MAP3K20: variants seen among roughly 807,000 people sequenced by gnomAD.
The protein encoded by MAP3K20 is mitogen-activated protein kinase kinase kinase 20.
MAP3K20 carries 40 observed loss-of-function variants against 85.7 expected under a neutral mutation model. The observed-to-expected ratio is 0.47, with a 90% confidence interval of 0.36 to 0.61. The LOEUF is 0.61. MAP3K20 is among the 20% of genes least tolerant of loss of function. The pLI is 0.00. For synonymous variants in MAP3K20, 325 were observed against 327.7 expected, an observed-to-expected ratio of 0.99 and a Z score of 0.09; for missense variants, 817 against 961.7, an observed-to-expected ratio of 0.85 and a Z score of 1.99.
At chr2:173,167,535 G>T (rs1689869595) in intron 2 of MAP3K20, among the ~76,000 whole-genome samples, 1 of 151,934 alleles carries the variant, frequency 6.6e-6, no homozygotes, top group Non-Finnish European at 1.5e-5. Flanking sequence ...TATTATATAA[G>T]AACCTAAAAT....
At chr2:173,153,665 A>G (rs553659652) in intron 2 of MAP3K20, among the ~76,000 whole-genome samples, 5 of 152,348 alleles carry the variant, frequency 3.3e-5, no homozygotes, top group African/African-American at 1.2e-4. Context: ...AGTAAACCTA[A>G]GAATTAGTCA....
intron 7 of MAP3K20, among the ~76,000 whole-genome samples, chr2:173,196,304 G>C (rs1473989175): frequency 6.6e-6 from 1 of 152,132 alleles, no homozygotes; most frequent in Non-Finnish European, 1.5e-5. Flanking sequence ...TCCATTTCCT[G>C]CTCAGCCCTC....
chr2:173,219,957 A>G (rs1684189545), intron 11 of MAP3K20, among the ~76,000 whole-genome samples: 1 of 151,506 alleles, frequency 6.6e-6, no homozygotes, highest in South Asian at 2.1e-4. Context: ...AATCCCAGCT[A>G]TTTGGGAGGC....
At chr2:173,235,285 A>T (rs187999145) in intron 14 of MAP3K20, among the ~76,000 whole-genome samples, 81 of 152,258 alleles carry the variant, frequency 5.3e-4, no homozygotes, top group Non-Finnish European at 1.1e-3. Context: ...TGTGCAGACG[A>T]GGTCATGCTT....
At chr2:173,137,952 TAATA>T (rs1244166937) in intron 2 of MAP3K20, among the ~76,000 whole-genome samples, 1 of 152,172 alleles carries the variant, frequency 6.6e-6, no homozygotes, top group Non-Finnish European at 1.5e-5. Context: ...ACACGTAGAT[TAATA>T]AATATTTGTG....
At chr2:173,102,004 A>G (rs1018474068) in intron 2 of MAP3K20, among the ~76,000 whole-genome samples, 2 of 152,182 alleles carry the variant, frequency 1.3e-5, no homozygotes, top group African/African-American at 4.8e-5. Context: ...ACTTCCAGCC[A>G]TTGTTCCTGG....
Position 173,198,177 on chromosome 2 carries a change from C to G in MAP3K20, c.669+65C>G, listed in dbSNP as rs1025215839. 3 of 1,393,380 alleles carry G rather than the reference C, an allele frequency of 2.2e-6. No homozygotes were observed. Among genetic ancestry groups the G allele is most frequent in the Non-Finnish European group, 3.0e-6 (3 of 1,005,272 alleles). 86.3% of individuals were successfully genotyped at this position (1,393,380 alleles called of 1,614,324 possible). A position where few individuals can be genotyped will look rare whatever the true frequency, so the allele number is the denominator to read the frequency against. ...AACAGTATTGGGGTTTTGCAAAAGA[C>G]TTTTTCATCTTCTTCAAATTGAAAG... On this transcript the variant is annotated intron_variant, in intron 8 of 19. Coordinates refer to ENST00000375213, the MANE Select transcript of MAP3K20 (RefSeq NM_016653.3). This position sits in a 1 kb window ranked among gnomAD's most constrained non-coding sequence, Gnocchi z 5.8.
rs1481839790 is a variant in MAP3K20 at position 173,207,928 on chromosome 2, ATAAAAT to A, written c.745-1796_745-1791del. On this transcript the variant is annotated intron_variant, in intron 9 of 19. Coordinates refer to ENST00000375213, the MANE Select transcript of MAP3K20 (RefSeq NM_016653.3). ...CTCTATCCAAGAGTAGGTTCTGACT[ATAAAAT>A]TAAATTTTTTCTAGGGATGCTGGTC... Among the ~76,000 whole-genome samples the A allele has an allele frequency of 3.3e-5, 5 of 152,314 alleles. No homozygotes were observed. In the East Asian group the frequency reaches 9.6e-4, roughly 29 times the overall value.
chr2:173,091,062 A>T lies in MAP3K20; in HGVS notation c.31A>T (p.Ile11Phe). The part of the protein sequence containing the change: MSSLGASFVQ[I>F]KFDDLQFFEN... The stretch of plus-strand genomic sequence containing the variant: ...GTCTCTCGGTGCCTCCTTTGTGCAA[A>T]TTAAATTTGATGACTTGCAGTTTTT... Residue 11 changes from isoleucine to phenylalanine, a missense_variant, in exon 2 of 20, where the codon ATT becomes TTT. Physicochemically the swap from Ile to Phe is conservative, Grantham distance 21. This residue lies in a region of MAP3K20 where 200 missense variants were observed against 302.7 expected (regional missense o/e 0.66). Coordinates refer to ENST00000375213, the MANE Select transcript of MAP3K20 (RefSeq NM_016653.3). 1 of 1,613,896 alleles carries T rather than the reference A, an allele frequency of 6.2e-7. No homozygotes were observed. Among genetic ancestry groups the T allele is most frequent in the Non-Finnish European group, 8.5e-7 (1 of 1,179,932 alleles).
intron 17 of MAP3K20, among the ~76,000 whole-genome samples, chr2:173,260,303 G>C (rs1032165823): frequency 6.6e-6 from 1 of 152,200 alleles, no homozygotes; most frequent in African/African-American, 2.4e-5. Context: ...AGGAGGAAGA[G>C]GTTGCAGTGA....
intron 2 of MAP3K20, among the ~76,000 whole-genome samples, chr2:173,134,428 A>ATATATATAT (rs56330241): frequency 6.3e-4 from 2 of 3,156 alleles, no homozygotes; most frequent in Non-Finnish European, 1.3e-3. Flanking sequence ...ATATATATAT[A>ATATATATAT]TTTTTTTTTT....
At chr2:173,192,146 G>A (rs940877707) in intron 7 of MAP3K20, among the ~76,000 whole-genome samples, 6 of 152,132 alleles carry the variant, frequency 3.9e-5, no homozygotes, top group African/African-American at 1.4e-4. Flanking sequence ...CATAGTAATG[G>A]GTAAAGAAGC....
intron 2 of MAP3K20, among the ~76,000 whole-genome samples, chr2:173,133,597 A>T (rs753480228): frequency 6.6e-5 from 10 of 152,114 alleles, no homozygotes; most frequent in Non-Finnish European, 1.5e-4. Flanking sequence ...AACTCACAAG[A>T]CCAACCTTTC....
chr2:173,148,801 C>T (rs1689211479), intron 2 of MAP3K20, among the ~76,000 whole-genome samples: 1 of 152,202 alleles, frequency 6.6e-6, no homozygotes, highest in African/African-American at 2.4e-5. Context: ...GAGTTCTTCA[C>T]TTCTTTGACT....
chr2:173,145,295 C>T (rs1477481802), intron 2 of MAP3K20, among the ~76,000 whole-genome samples: 1 of 151,936 alleles, frequency 6.6e-6, no homozygotes, highest in East Asian at 1.9e-4. Context: ...CAAATCCAAA[C>T]TCTGTGCTTA....
chr2:173,175,692 A>T (rs571613624), intron 3 of MAP3K20, among the ~76,000 whole-genome samples: 1 of 152,250 alleles, frequency 6.6e-6, no homozygotes, highest in Non-Finnish European at 1.5e-5. Flanking sequence ...TTTAAATAAG[A>T]TGTTCTGCTG....
intron 17 of MAP3K20, among the ~76,000 whole-genome samples, chr2:173,260,688 A>C (rs1685271998): frequency 6.6e-6 from 1 of 152,342 alleles, no homozygotes; most frequent in South Asian, 2.1e-4. Context: ...CAAGGAAAGC[A>C]CTTCTGGGTC....
At chr2:173,255,387 A>T (rs1685134561) in intron 16 of MAP3K20, among the ~76,000 whole-genome samples, 1 of 152,212 alleles carries the variant, frequency 6.6e-6, no homozygotes, top group Non-Finnish European at 1.5e-5. Flanking sequence ...GGAGTCACAC[A>T]GCCTTGTGCT....
chr2:173,257,563 C>T (rs1186829666), intron 16 of MAP3K20, among the ~76,000 whole-genome samples: 1 of 152,168 alleles, frequency 6.6e-6, no homozygotes, highest in Non-Finnish European at 1.5e-5. Flanking sequence ...TATCCATTCT[C>T]ATTTTGATGG....
Sources: allele counts gnomAD v4.1 joint callset (sites outside exome capture counted in the v4.1 genomes callset), GRCh38; gene constraint gnomAD v4.1.1; regional missense constraint gnomAD v4.1.1; non-coding constraint Gnocchi (gnomAD v3.1); transcripts MANE v1.5; gene names NCBI Gene and HGNC (gene_info 2026-07-23, HGNC 2026-07-21).